IPO8: variants seen among roughly 807,000 people sequenced by gnomAD.
IPO8 encodes the protein importin 8, also known as importin-8.
Under a neutral mutation model 141.2 loss-of-function variants are expected in IPO8, and 65 were observed. The ratio of observed to expected loss-of-function variants is 0.46; its 90% CI spans 0.38 to 0.57. The LOEUF (loss-of-function observed/expected upper bound fraction) is 0.57. IPO8 is among the 20% of genes least tolerant of loss of function. IPO8 has a pLI of 0.00. For synonymous variants in IPO8, 411 were observed against 420.3 expected, an observed-to-expected ratio of 0.98 and a Z score of 0.27; for missense variants, 980 against 1,246.8, an observed-to-expected ratio of 0.79 and a Z score of 3.22.
intron 19 of IPO8, among the ~76,000 whole-genome samples, chr12:30,649,627 CCAT>C: frequency 6.6e-6 from 1 of 152,212 alleles, no homozygotes; most frequent in Non-Finnish European, 1.5e-5. Context: ...TTCATAACCA[CCAT>C]AATTTCATAT....
rs117652298 is a variant in IPO8 at position 30,656,313 on chromosome 12, C to G, written c.1948+371G>C. Among the ~76,000 whole-genome samples the G allele has an allele frequency of 8.4e-4, 128 of 152,280 alleles. 1 individual carries two copies. The highest frequency in any genetic ancestry group is 2.1e-3 in the East Asian group (11 of 5,184). ...TCAGCCTCCCAAACTACTGAGATTA[C>G]AGGTGTGAGCCACGGTGCCCAGCCA... On this transcript the variant is annotated intron_variant, in intron 17 of 24. Coordinates refer to ENST00000256079, the MANE Select transcript of IPO8 (RefSeq NM_006390.4).
chr12:30,652,821 C>G (rs2052746811), intron 18 of IPO8, 146 bp downstream of exon 18: 3 of 735,438 alleles, frequency 4.1e-6, no homozygotes, highest in Non-Finnish European at 6.4e-6. Context: ...AAAAACACTG[C>G]TACAATAGCC....
intron 6 of IPO8, among the ~76,000 whole-genome samples, chr12:30,675,970 T>A (rs2136165075): frequency 6.6e-6 from 1 of 152,334 alleles, no homozygotes; most frequent in Non-Finnish European, 1.5e-5. Context: ...TTTTTCTTTT[T>A]TGAGATAGGG....
chr12:30,654,388 A>T (rs911956719), intron 17 of IPO8, among the ~76,000 whole-genome samples: 2 of 151,986 alleles, frequency 1.3e-5, no homozygotes. Flanking sequence ...GGATTACATC[A>T]AACTAAAAGG....
intron 23 of IPO8, 138 bp from the exon 24 acceptor site, chr12:30,632,149 G>A (rs938219455): frequency 4.6e-5 from 27 of 584,114 alleles, no homozygotes; most frequent in Non-Finnish European, 7.3e-5. Context: ...CACACACAAG[G>A]TAATGAAACT....
At position 30,670,949 on chromosome 12, in the gene IPO8, C is replaced by G. The variant is rs1162015934; in HGVS notation, c.1044+13G>C. ...CAGAGAATAATTTTGGAGAGCTGCT[C>G]TCTGACACTAACCTGTATGTGTGGC... On this transcript the variant is annotated intron_variant, in intron 9 of 24. Coordinates refer to ENST00000256079, the MANE Select transcript of IPO8 (RefSeq NM_006390.4). 4 of 1,604,648 alleles carry G rather than the reference C, an allele frequency of 2.5e-6. No homozygotes were observed. The highest frequency in any genetic ancestry group is 3.4e-6 in the Non-Finnish European group (4 of 1,175,510).
At chr12:30,683,170 A>G (rs533935366) in intron 3 of IPO8, among the ~76,000 whole-genome samples, 5 of 152,338 alleles carry the variant, frequency 3.3e-5, no homozygotes, top group East Asian at 3.9e-4. Context: ...AGATCTGAAA[A>G]TTTAAGATTT....
At chr12:30,667,871 T>C (rs967776096) in intron 10 of IPO8, among the ~76,000 whole-genome samples, 4 of 152,158 alleles carry the variant, frequency 2.6e-5, no homozygotes, top group East Asian at 1.9e-4. Flanking sequence ...ATAGGTATTA[T>C]GAAAGAAGTA....
At chr12:30,677,583 G>A (rs1427903443) in intron 5 of IPO8, among the ~76,000 whole-genome samples, 1 of 151,820 alleles carries the variant, frequency 6.6e-6, no homozygotes, top group Non-Finnish European at 1.5e-5. Context: ...CTCCATGCAT[G>A]TTATTGCCCC....
chr12:30,630,829 G>A lies in IPO8; in HGVS notation c.*31C>T, dbSNP rs368784928. On this transcript the variant is annotated 3_prime_UTR_variant, in exon 25 of 25. Coordinates refer to ENST00000256079, the MANE Select transcript of IPO8 (RefSeq NM_006390.4). Reference sequence around the variant, plus strand: ...CTCCTCTTGTGAAATAAAATGCAGCGATGACATTTGGTCAGCTGATGTTCT... The same window carrying A: ...CTCCTCTTGTGAAATAAAATGCAGCAATGACATTTGGTCAGCTGATGTTCT... 3.1e-5 allele frequency: 47 copies of A among 1,536,636 alleles called. No homozygotes were observed. In the East Asian group the frequency reaches 4.0e-4, roughly 13 times the overall value.
chr12:30,638,605 T>C (rs1016075179), intron 21 of IPO8, among the ~76,000 whole-genome samples: 2 of 152,234 alleles, frequency 1.3e-5, no homozygotes, highest in African/African-American at 4.8e-5. Context: ...ATTTCTAGCA[T>C]AACACAATCA....
At chr12:30,668,276 A>G (rs2052996686) in intron 10 of IPO8, among the ~76,000 whole-genome samples, 2 of 152,228 alleles carry the variant, frequency 1.3e-5, no homozygotes, top group Non-Finnish European at 2.9e-5. Flanking sequence ...ACTGAATCAA[A>G]TAATATAAAC....
chr12:30,690,988 G>C (rs2053286294), intron 1 of IPO8, among the ~76,000 whole-genome samples: 1 of 152,064 alleles, frequency 6.6e-6, no homozygotes, highest in South Asian at 2.1e-4. Context: ...TTTGTTGGCT[G>C]TTTTTTCTAC....
chr12:30,645,482 A>C (rs574204455), intron 20 of IPO8, among the ~76,000 whole-genome samples: 1 of 152,256 alleles, frequency 6.6e-6, no homozygotes, highest in South Asian at 2.1e-4. Flanking sequence ...AAAACATTGG[A>C]AAAAGAACAA....
At position 30,653,095 on chromosome 12, in the gene IPO8, A is replaced by G. The variant is rs776206340; in HGVS notation, c.1949-3T>C. ...GGAAAGAATTTCTTCATAGAATTCT[A>G]GAAGAAAGAAAATCTCTAGTTAGAA... On this transcript the variant is annotated splice_polypyrimidine_tract_variant and splice_region_variant and intron_variant, in intron 17 of 24. Transcript: ENST00000256079. 1.2e-6 allele frequency: 2 copies of G among 1,605,486 alleles called. No homozygotes were observed. The highest frequency in any genetic ancestry group is 4.5e-5 in the East Asian group (2 of 44,800).
intron 2 of IPO8, chr12:30,686,720 A>G (rs937206323): frequency 2.0e-5 from 3 of 152,210 alleles, no homozygotes; most frequent in Admixed American, 2.0e-4. Flanking sequence ...CTATAGAACT[A>G]GTCTTGAAAA....
At chr12:30,638,205 G>A (rs1394959257) in intron 21 of IPO8, among the ~76,000 whole-genome samples, 1 of 152,170 alleles carries the variant, frequency 6.6e-6, no homozygotes, top group Non-Finnish European at 1.5e-5. Context: ...AAACACATAA[G>A]AGAACCAACC....
chr12:30,695,850 C>G lies in IPO8; in HGVS notation c.-203G>C, dbSNP rs1011504609. The G allele has an allele frequency of 5.7e-6, 3 of 529,322 alleles. No homozygotes were observed. Among genetic ancestry groups the G allele is most frequent in the East Asian group, 3.3e-5 (1 of 30,516 alleles). The allele number at this position is 529,322 out of a possible 1,614,324, so 32.8% of individuals were successfully genotyped here. On this transcript the variant is annotated 5_prime_UTR_variant, in exon 1 of 25. Coordinates refer to ENST00000256079, the MANE Select transcript of IPO8 (RefSeq NM_006390.4). This position sits in a 1 kb window ranked among gnomAD's most constrained non-coding sequence, Gnocchi z 4.2. ...CTCCCTTTTTCCCCCCCACAACTCG[C>G]TCTCCATTCACCGTTTTACGACAGC...
chr12:30,680,491 T>G lies in IPO8; in HGVS notation c.630A>C (p.Ala210=). 6.2e-7 allele frequency: 1 copy of G among 1,609,590 alleles called. No individual in the cohort carries two copies. ...LQKQILKIFY[A]LVQYALPLQL... ...TGCAATAGAAACCTACCTGAACAAG[T>G]GCATAAAAGATTTTCAGAATTTGTT... The change falls in exon 5 of 25, where the codon GCA becomes GCC. Residue 210 remains alanine, a synonymous_variant. Coordinates refer to ENST00000256079, the MANE Select transcript of IPO8 (RefSeq NM_006390.4).
Sources: allele counts gnomAD v4.1 joint callset (sites outside exome capture counted in the v4.1 genomes callset), GRCh38; gene constraint gnomAD v4.1.1; non-coding constraint Gnocchi (gnomAD v3.1); transcripts MANE v1.5; gene names NCBI Gene and HGNC (gene_info 2026-07-23, HGNC 2026-07-21).